Variants in YIPF4 observed in about 807,000 individuals in gnomAD.
YIPF4 encodes the protein protein YIPF4.
YIPF4 carries 18 observed loss-of-function variants against 29.4 expected under a neutral mutation model. The ratio of observed to expected loss-of-function variants is 0.61; its 90% CI spans 0.42 to 0.91. The LOEUF (loss-of-function observed/expected upper bound fraction) is 0.91, where lower values mean the gene tolerates loss of function less well. YIPF4 is among the 40% of genes least tolerant of loss of function. The pLI is 0.00. For missense variants in YIPF4, 279 were observed against 282.7 expected, an observed-to-expected ratio of 0.99 and a Z score of 0.09; for synonymous variants, 115 against 104.7, an observed-to-expected ratio of 1.10 and a Z score of -0.60.
chr2:32,296,442 G>A lies in YIPF4; in HGVS notation c.406-1792G>A, dbSNP rs189224611. Among the ~76,000 whole-genome samples, 93 of 150,128 alleles carry A rather than the reference G, an allele frequency of 6.2e-4. 1 individual carries two copies. Among genetic ancestry groups the A allele is most frequent in the Admixed American group, 4.1e-3 (62 of 14,980 alleles). ...GCCGAGATCACGCCACTGCACTCCA[G>A]CCTGGGTGACAGAGCAAGACTCAGT... On this transcript the variant is annotated intron_variant, in intron 3 of 5. Transcript: ENST00000238831.
chr2:32,297,346 C>G (rs528179865), intron 3 of YIPF4, among the ~76,000 whole-genome samples: 1 of 152,080 alleles, frequency 6.6e-6, no homozygotes, highest in South Asian at 2.1e-4. Context: ...GTCTTGAACT[C>G]CCGACCTCAG....
At chr2:32,282,626 G>T (rs1185831881) in intron 1 of YIPF4, among the ~76,000 whole-genome samples, 2 of 151,942 alleles carry the variant, frequency 1.3e-5, no homozygotes, top group African/African-American at 4.8e-5. Flanking sequence ...TAGACACGGG[G>T]TTTCACCACA....
chr2:32,308,965 A>C lies in YIPF4; in HGVS notation c.*3339A>C, dbSNP rs2031655667. On this transcript the variant is annotated 3_prime_UTR_variant, in exon 6 of 6. Transcript: ENST00000238831. ...AGAATCGCTTGAACCCGGGAGGCAG[A>C]GGTTGCAGTGAGCCAAGATCGTGCC... 6.8e-6 allele frequency: 1 copy of C among 146,502 alleles called. No homozygotes were observed. Among genetic ancestry groups the C allele is most frequent in the South Asian group, 2.2e-4 (1 of 4,512 alleles). The allele number at this position is 146,502 out of a possible 1,614,324, so 9.1% of individuals were successfully genotyped here.
At chr2:32,287,572 C>G (rs761542578) in intron 1 of YIPF4, among the ~76,000 whole-genome samples, 8 of 152,198 alleles carry the variant, frequency 5.3e-5, no homozygotes, top group Non-Finnish European at 7.3e-5. Flanking sequence ...TAGTAAATTT[C>G]ATCTTCAGTG....
intron 4 of YIPF4, among the ~76,000 whole-genome samples, chr2:32,300,124 G>A (rs1237191906): frequency 6.6e-6 from 1 of 151,994 alleles, no homozygotes; most frequent in East Asian, 1.9e-4. Context: ...AAATTAGCTG[G>A]ATGTGGTGGC....
At chr2:32,285,221 C>T (rs1309397533) in intron 1 of YIPF4, among the ~76,000 whole-genome samples, 2 of 152,032 alleles carry the variant, frequency 1.3e-5, no homozygotes, top group Admixed American at 6.6e-5. Context: ...ATAAAGCAAA[C>T]TGTCAAGGAT....
rs373581595 is a variant in YIPF4, at chr2:32,311,654, C to T, written c.*6028C>T. 2.0e-4 allele frequency: 30 copies of T among 152,058 alleles called. 1 individual carries two copies. Among genetic ancestry groups the T allele is most frequent in the Admixed American group, 1.8e-3 (27 of 15,282 alleles). The allele number at this position is 152,058 out of a possible 1,614,324, so 9.4% of individuals were successfully genotyped here. The stretch of plus-strand genomic sequence containing the variant: ...TGTATATACAAGTTGTTAATACTTA[C>T]GAAAAAAGGAAGCATTCCCACCTGT... On this transcript the variant is annotated 3_prime_UTR_variant, in exon 6 of 6. Transcript: ENST00000238831.
rs951602808 is a variant in YIPF4 at position 32,285,102 on chromosome 2, G to T, written c.80-5381G>T. Reference sequence around the variant, plus strand: ...TCATGCAGACAGGAGTTGATGGTTTGCATGAGCTTGCTACTGGTGGTAGAA... The same window carrying T: ...TCATGCAGACAGGAGTTGATGGTTTTCATGAGCTTGCTACTGGTGGTAGAA... On this transcript the variant is annotated intron_variant, in intron 1 of 5. Transcript: ENST00000238831. 9.2e-5 allele frequency among the ~76,000 whole-genome samples: 14 copies of T among 152,266 alleles called. 1 individual carries two copies. The highest frequency in any genetic ancestry group is 8.5e-4 in the Admixed American group (13 of 15,292).
At chr2:32,294,288 G>A (rs2031074993) in intron 3 of YIPF4, among the ~76,000 whole-genome samples, 1 of 151,238 alleles carries the variant, frequency 6.6e-6, no homozygotes, top group African/African-American at 2.4e-5. Context: ...CTGCCGGGTG[G>A]AGGGGCTCCT....
At chr2:32,287,137 C>T (rs112397595) in intron 1 of YIPF4, among the ~76,000 whole-genome samples, 5,644 of 152,112 alleles carry the variant, frequency 0.037, 217 homozygotes, top group African/African-American at 0.1. Context: ...CCCAGCTACT[C>T]GAGAGGCTGA....
intron 1 of YIPF4, among the ~76,000 whole-genome samples, chr2:32,284,339 A>G (rs1314807545): frequency 1.3e-5 from 2 of 152,116 alleles, no homozygotes; most frequent in Non-Finnish European, 2.9e-5. Context: ...TGCTTAAGCG[A>G]GTGTAATGGT....
intron 5 of YIPF4, among the ~76,000 whole-genome samples, chr2:32,304,830 G>T (rs1359477861): frequency 1.3e-5 from 2 of 152,080 alleles, no homozygotes; most frequent in African/African-American, 4.8e-5. Flanking sequence ...TAAGTTTCCA[G>T]TAGAAATAAT....
rs2031657567 is a variant in YIPF4 at position 32,309,033 on chromosome 2, A to T, written c.*3407A>T. The T allele has an allele frequency of 6.7e-6, 1 of 149,412 alleles. No individual in the cohort carries two copies. The highest frequency in any genetic ancestry group is 2.5e-5 in the African/African-American group (1 of 40,002). The allele number at this position is 149,412 out of a possible 1,614,324, so 9.3% of individuals were successfully genotyped here. A position where few individuals can be genotyped will look rare whatever the true frequency, so the allele number is the denominator to read the frequency against. ...GTGACAGAGTGAGACTCCGTCTCAA[A>T]AAAAAAAAAAAAAAAAATCAAAATC... On this transcript the variant is annotated 3_prime_UTR_variant, in exon 6 of 6. Transcript: ENST00000238831.
chr2:32,279,292 C>T (rs770509384), intron 1 of YIPF4, among the ~76,000 whole-genome samples: 1 of 150,696 alleles, frequency 6.6e-6, no homozygotes, highest in Non-Finnish European at 1.5e-5. Flanking sequence ...TTTTATTACA[C>T]TTCGTGCACC....
At position 32,313,747 on chromosome 2, in the gene YIPF4, G is replaced by C. The variant is rs2031767018; in HGVS notation, c.*8121G>C. 6.6e-6 allele frequency: 1 copy of C among 151,954 alleles called. No homozygotes were observed. Among genetic ancestry groups the C allele is most frequent in the African/African-American group, 2.4e-5 (1 of 41,318 alleles). The allele number at this position is 151,954 out of a possible 1,614,324, so 9.4% of individuals were successfully genotyped here. On this transcript the variant is annotated 3_prime_UTR_variant, in exon 6 of 6. Transcript: ENST00000238831. ...TAGACAAAGTCTTGCTCTGTTGCCA[G>C]GCTGGAGTGCAGTGGCGCGATCTTG...
rs2031737191 is a variant in YIPF4 at position 32,312,631 on chromosome 2, T to C, written c.*7005T>C. 1 of 152,038 alleles carries C rather than the reference T, an allele frequency of 6.6e-6. No individual in the cohort carries two copies. The highest frequency in any genetic ancestry group is 1.5e-5 in the Non-Finnish European group (1 of 68,018). The allele number at this position is 152,038 out of a possible 1,614,324, so 9.4% of individuals were successfully genotyped here. On this transcript the variant is annotated 3_prime_UTR_variant, in exon 6 of 6. Coordinates refer to ENST00000238831, the MANE Select transcript of YIPF4 (RefSeq NM_032312.4). Reference sequence around the variant, plus strand: ...AGGGACAATAGATATTAATCACATATTTATTAACCCCTTCCTGTATGAACC... The same window carrying C: ...AGGGACAATAGATATTAATCACATACTTATTAACCCCTTCCTGTATGAACC...
At position 32,316,042 on chromosome 2, in the gene YIPF4, C is replaced by CAAAAAAAAAAAA. The variant is rs1024666738; in HGVS notation, c.*10420_*10431dup. On this transcript the variant is annotated 3_prime_UTR_variant, in exon 6 of 6. Coordinates refer to ENST00000238831, the MANE Select transcript of YIPF4 (RefSeq NM_032312.4). The stretch of plus-strand genomic sequence containing the variant: ...CCAAAAAGGAAAAAAAAAAAAAAAC[C>CAAAAAAAAAAAA]AAAAAAAAAAAAAAAGTATAAAGCA... 9.6e-6 allele frequency: 1 copy of CAAAAAAAAAAAA among 104,276 alleles called. No individual in the cohort carries two copies. Among genetic ancestry groups the CAAAAAAAAAAAA allele is most frequent in the African/African-American group, 3.6e-5 (1 of 28,112 alleles). The allele number at this position is 104,276 out of a possible 1,614,324, so 6.5% of individuals were successfully genotyped here.
intron 1 of YIPF4, among the ~76,000 whole-genome samples, chr2:32,284,989 TAGAA>T (rs1013510185): frequency 1.7e-4 from 26 of 151,988 alleles, no homozygotes; most frequent in African/African-American, 5.1e-4. Context: ...ATTTGCATCT[TAGAA>T]AGAGTCTCCG....
intron 5 of YIPF4, among the ~76,000 whole-genome samples, chr2:32,303,774 C>T (rs571178592): frequency 1.3e-5 from 2 of 152,292 alleles, no homozygotes; most frequent in East Asian, 1.9e-4. Context: ...TTCAGTATAA[C>T]CCTAAAGCCT....
Sources: allele counts gnomAD v4.1 joint callset (sites outside exome capture counted in the v4.1 genomes callset), GRCh38; gene constraint gnomAD v4.1.1; transcripts MANE v1.5; gene names NCBI Gene and HGNC (gene_info 2026-07-23, HGNC 2026-07-21).